The following ADAMTS2 variants were observed in gnomAD, a reference collection of about 807,000 sequenced individuals.
ADAMTS2 encodes A disintegrin and metalloproteinase with thrombospondin motifs 2.
ADAMTS2 carries 50 observed loss-of-function variants against 123.0 expected under a neutral mutation model. The ratio of observed to expected loss-of-function variants is 0.41; its 90% confidence interval spans 0.32 to 0.51. The LOEUF is 0.51. Ranked by LOEUF, ADAMTS2 falls within the 20% of genes least tolerant of loss-of-function variation. The probability of loss-of-function intolerance (pLI) is 0.35; values close to 1 mark genes in which losing one functional copy is unlikely to be tolerated. For synonymous variants in ADAMTS2, 678 were observed against 695.4 expected (o/e 0.98, Z 0.39); for missense variants, 1,494 against 1,705.2 (o/e 0.88, Z 2.18).
rs1421395928 is a variant in ADAMTS2, at chr5:179,333,594, CTGT to C, written c.534+10170_534+10172del. On this transcript the variant is annotated intron_variant, in intron 2 of 21. Transcript: ENST00000251582. ...GACAAGCCACAGATTTGGTTTTTTT[CTGT>C]TTTTTTTTTTTTTTTTTTTTTTAGA... 9.3e-4 allele frequency among the ~76,000 whole-genome samples: 107 copies of C among 115,318 alleles called. 5 individuals carry two copies. The East Asian group carries it at 0.021, about 23-fold the overall frequency. The allele number at this position is 115,318 out of a possible 152,430, so 75.7% of individuals were successfully genotyped here.
rs1489973482 is a variant in ADAMTS2, at chr5:179,115,809, G to T, written c.3179-1485C>A. 6.6e-6 allele frequency among the ~76,000 whole-genome samples: 1 copy of T among 152,168 alleles called. No individual in the cohort carries two copies. The highest frequency in any genetic ancestry group is 2.4e-5 in the African/African-American group (1 of 41,452). ...TCTACACCTGAAGCTGTCCAAAACAGACAAGACCCCCTTCCTTCCATCGAG... is the reference window on the plus strand; with the variant it reads ...TCTACACCTGAAGCTGTCCAAAACATACAAGACCCCCTTCCTTCCATCGAG... On this transcript the variant is annotated intron_variant, in intron 21 of 21. Transcript: ENST00000251582. The surrounding 1 kb of genome is among the most constrained non-coding windows in gnomAD (Gnocchi z 4.4).
chr5:179,269,041 C>T (rs1766452717), intron 3 of ADAMTS2, among the ~76,000 whole-genome samples: 1 of 152,130 alleles, frequency 6.6e-6, no homozygotes, highest in Admixed American at 6.5e-5. Flanking sequence ...TCGGGTGAGT[C>T]CTAAATGTAA....
At chr5:179,160,114 C>A (rs1219735086) in intron 5 of ADAMTS2, among the ~76,000 whole-genome samples, 2 of 152,178 alleles carry the variant, frequency 1.3e-5, no homozygotes, top group African/African-American at 4.8e-5. Flanking sequence ...TTTTCTCTTG[C>A]ATAAATGTAT....
intron 3 of ADAMTS2, among the ~76,000 whole-genome samples, chr5:179,257,629 C>T (rs545945817): frequency 1.3e-5 from 2 of 152,330 alleles, no homozygotes; most frequent in Admixed American, 6.5e-5. Flanking sequence ...ACAGGACGAC[C>T]GCAGGTTTCG....
In ADAMTS2 at chr5:179,175,735, G is replaced by T. The variant is rs950481715; in HGVS notation, c.975+5337C>A. Among the ~76,000 whole-genome samples the T allele has an allele frequency of 2.0e-5, 3 of 152,188 alleles. No homozygotes were observed. The highest frequency in any genetic ancestry group is 4.4e-5 in the Non-Finnish European group (3 of 68,042). ...ACACATGATTAACAGCAAACAATGA[G>T]AATTTGTCTCTGCTCTTTTCCAATA... On this transcript the variant is annotated intron_variant, in intron 5 of 21. Coordinates refer to ENST00000251582, the MANE Select transcript of ADAMTS2 (RefSeq NM_014244.5). The surrounding 1 kb of genome is among the most constrained non-coding windows in gnomAD (Gnocchi z 4.1).
chr5:179,278,191 C>CCCGAGA (rs1561677530), intron 2 of ADAMTS2, among the ~76,000 whole-genome samples: 6 of 143,694 alleles, frequency 4.2e-5, no homozygotes, highest in Non-Finnish European at 7.6e-5. Flanking sequence ...GGCTGACCCC[C>CCCGAGA]CCAAGACCAT....
intron 21 of ADAMTS2, among the ~76,000 whole-genome samples, chr5:179,114,844 T>A (rs896394498): frequency 2.6e-5 from 4 of 152,186 alleles, no homozygotes; most frequent in Admixed American, 2.0e-4. Context: ...GGCCCCACCA[T>A]GCTCCACAAC....
At chr5:179,143,873 T>C (rs1337727976) in intron 10 of ADAMTS2, among the ~76,000 whole-genome samples, 2 of 152,216 alleles carry the variant, frequency 1.3e-5, no homozygotes, top group East Asian at 3.8e-4. Context: ...CAAATATATT[T>C]GAAAATAATA....
chr5:179,193,354 A>T (rs1479593776), intron 4 of ADAMTS2, among the ~76,000 whole-genome samples: 4 of 151,844 alleles, frequency 2.6e-5, no homozygotes, highest in Admixed American at 6.6e-5. Context: ...TTCCCTTCCC[A>T]CACCCTGCGA....
At chr5:179,193,265 C>G (rs1028476667) in intron 4 of ADAMTS2, among the ~76,000 whole-genome samples, 2 of 152,186 alleles carry the variant, frequency 1.3e-5, no homozygotes, top group Non-Finnish European at 2.9e-5. Context: ...CATCATGGGC[C>G]GAGTGAACAA....
At chr5:179,190,862 G>A (rs763276264) in intron 4 of ADAMTS2, among the ~76,000 whole-genome samples, 36 of 152,246 alleles carry the variant, frequency 2.4e-4, no homozygotes, top group Middle Eastern at 3.2e-3. Flanking sequence ...CATCACCATC[G>A]GGAGAGGTCT....
At chr5:179,328,903 A>G (rs1359346606) in intron 2 of ADAMTS2, among the ~76,000 whole-genome samples, 2 of 152,220 alleles carry the variant, frequency 1.3e-5, no homozygotes, top group Non-Finnish European at 2.9e-5. Flanking sequence ...AGATTTGCTG[A>G]GGGCCTTCTG....
At chr5:179,265,876 G>A (rs11742928) in intron 3 of ADAMTS2, among the ~76,000 whole-genome samples, 4 of 152,232 alleles carry the variant, frequency 2.6e-5, no homozygotes, top group African/African-American at 4.8e-5. Flanking sequence ...TGGGTTTCCC[G>A]GGGCCTGGGC....
intron 3 of ADAMTS2, among the ~76,000 whole-genome samples, chr5:179,264,833 A>G (rs1442449568): frequency 2.0e-5 from 3 of 148,166 alleles, no homozygotes; most frequent in African/African-American, 7.4e-5. Context: ...GGGCTGGGTG[A>G]GCTGCTCTGG....
chr5:179,194,145 C>T (rs2113344101), intron 4 of ADAMTS2, among the ~76,000 whole-genome samples: 1 of 152,276 alleles, frequency 6.6e-6, no homozygotes, highest in South Asian at 2.1e-4. Context: ...GAGGCTTCCA[C>T]ATCAGCTATC....
Position 179,345,095 on chromosome 5 carries a change from C to G in ADAMTS2, c.139+95G>C. The G allele has an allele frequency of 9.4e-6, 9 of 958,150 alleles. No individual in the cohort carries two copies. Among genetic ancestry groups the G allele is most frequent in the Non-Finnish European group, 1.1e-5 (9 of 793,206 alleles). The allele number at this position is 958,150 out of a possible 1,614,324, so 59.4% of individuals were successfully genotyped here. ...CGGGGCGCGCGGAGTTTGCCCAAGTCAGGCTGGACGACGCCTGGGGAGGGG... is the reference window on the plus strand; with the variant it reads ...CGGGGCGCGCGGAGTTTGCCCAAGTGAGGCTGGACGACGCCTGGGGAGGGG... On this transcript the variant is annotated intron_variant, in intron 1 of 21. Transcript: ENST00000251582. The surrounding 1 kb of genome is among the most constrained non-coding windows in gnomAD (Gnocchi z 7.5).
At chr5:179,179,353 A>G (rs1300011905) in intron 5 of ADAMTS2, among the ~76,000 whole-genome samples, 2 of 151,926 alleles carry the variant, frequency 1.3e-5, no homozygotes. Flanking sequence ...ATCAGCGAAG[A>G]TGGACAAAAT....
chr5:179,278,745 C>A (rs1766811729), intron 2 of ADAMTS2, among the ~76,000 whole-genome samples: 1 of 151,982 alleles, frequency 6.6e-6, no homozygotes, highest in Admixed American at 6.5e-5. Flanking sequence ...CCCTGACCTT[C>A]AGGTGCCACC....
chr5:179,290,315 T>G (rs983376202), intron 2 of ADAMTS2, among the ~76,000 whole-genome samples: 1 of 152,176 alleles, frequency 6.6e-6, no homozygotes, highest in African/African-American at 2.4e-5. Flanking sequence ...GGCTTTCCCT[T>G]TGACCCTCTC....
Sources: gnomAD v4.1 joint callset for allele counts (sites outside exome capture counted in the v4.1 genomes callset) on GRCh38, gnomAD v4.1.1 for gene constraint, Gnocchi (gnomAD v3.1) non-coding constraint, MANE v1.5 for transcripts, NCBI Gene and HGNC (gene_info 2026-07-23, HGNC 2026-07-21) for gene names.